SSU72: variants seen among roughly 807,000 people sequenced by gnomAD.
The protein encoded by SSU72 is SSU72 homolog, RNA polymerase II CTD phosphatase.
In SSU72, 12 loss-of-function variants were observed where a neutral mutation model predicts 22.7. The observed-to-expected ratio is 0.53, with a 90% confidence interval of 0.34 to 0.86. The LOEUF is 0.86. Among genes scored for constraint, SSU72 ranks in the 40% least tolerant of loss-of-function variants. SSU72 has a pLI of 0.02. For missense variants in SSU72, 151 were observed against 249.8 expected (o/e 0.60, Z 2.67); for synonymous variants, 116 against 98.3 (o/e 1.18, Z -1.06).
intron 1 of SSU72, among the ~76,000 whole-genome samples, chr1:1,571,434 C>CAAA (rs200572913): frequency 0.011 from 1,300 of 114,352 alleles, 17 homozygotes; most frequent in Non-Finnish European, 0.015. Flanking sequence ...CCGACTTCAA[C>CAAA]AAAAAAAAAA....
chr1:1,542,242 G>A lies in SSU72; in HGVS notation c.484-75C>T. On this transcript the variant is annotated intron_variant, in intron 4 of 4. Coordinates refer to ENST00000291386, the MANE Select transcript of SSU72 (RefSeq NM_014188.3). This position sits in a 1 kb window ranked among gnomAD's most constrained non-coding sequence, Gnocchi z 4.4. Reference sequence around the variant, plus strand: ...CTCCCCCTAACACCTGGATCGCCAGGGAAACGCCAGGCCTGAGCCAGCAGA... The same window carrying A: ...CTCCCCCTAACACCTGGATCGCCAGAGAAACGCCAGGCCTGAGCCAGCAGA... 1 of 1,400,212 alleles carries A rather than the reference G, an allele frequency of 7.1e-7. No homozygotes were observed. The highest frequency in any genetic ancestry group is 9.9e-7 in the Non-Finnish European group (1 of 1,013,458). 86.7% of individuals were successfully genotyped at this position (1,400,212 alleles called of 1,614,324 possible). A position where few individuals can be genotyped will look rare whatever the true frequency, so the allele number is the denominator to read the frequency against.
intron 2 of SSU72, among the ~76,000 whole-genome samples, chr1:1,555,060 A>AG (rs894386434): frequency 2.0e-5 from 3 of 152,028 alleles, no homozygotes; most frequent in African/African-American, 7.2e-5. Flanking sequence ...CACACCCACG[A>AG]GGGGGGCCAG....
In SSU72 at chr1:1,552,114, G is replaced by A. The variant is rs141964232; in HGVS notation, c.225-7112C>T. ...TGCAGCAGCAGATGCTCTGGAGGGC[G>A]CCGGCTGCCCCAGGGCAGACCATCC... On this transcript the variant is annotated intron_variant, in intron 2 of 4. Transcript: ENST00000291386. Among the ~76,000 whole-genome samples, 758 of 152,288 alleles carry A rather than the reference G, an allele frequency of 5.0e-3. 6 individuals carry two copies. Among genetic ancestry groups the A allele is most frequent in the African/African-American group, 0.017 (705 of 41,570 alleles).
chr1:1,574,728 GCC>G lies in SSU72; in HGVS notation c.-173_-172del. ...GGCGGCCTCCCCGCCCACCCTGGGC[GCC>G]GGGCCGCGGACGGAGCGCAGGCACT... On this transcript the variant is annotated 5_prime_UTR_variant, in exon 1 of 5. Coordinates refer to ENST00000291386, the MANE Select transcript of SSU72 (RefSeq NM_014188.3). The G allele has an allele frequency of 2.1e-6, 1 of 485,910 alleles. No homozygotes were observed. Among genetic ancestry groups the G allele is most frequent in the Non-Finnish European group, 3.2e-6 (1 of 309,716 alleles). The allele number at this position is 485,910 out of a possible 1,614,324, so 30.1% of individuals were successfully genotyped here. A position where few individuals can be genotyped will look rare whatever the true frequency, so the allele number is the denominator to read the frequency against.
intron 2 of SSU72, among the ~76,000 whole-genome samples, chr1:1,556,822 G>T (rs989724695): frequency 6.6e-6 from 1 of 152,198 alleles, no homozygotes; most frequent in Non-Finnish European, 1.5e-5. Context: ...TGTGGGCCCT[G>T]ACCCTGGGCT....
intron 1 of SSU72, among the ~76,000 whole-genome samples, chr1:1,567,848 G>A (rs187389135): frequency 1.3e-5 from 2 of 149,578 alleles, no homozygotes; most frequent in Non-Finnish European, 2.9e-5. Context: ...CGGAAGCGGA[G>A]GTTGCAGTGA....
rs1266576993 is a variant in SSU72, at chr1:1,564,809, T to C, written c.188A>G (p.Gln63Arg). ...NVYDFKTTYD[Q>R]MYNDLLRKDK... ...TTTCCTAAGAAGATCATTGTACATC[T>C]GGTCATATGTGGTTTTGAAATCATA... Residue 63 changes from glutamine (Q) to arginine (R), a missense_variant, in exon 2 of 5, where the codon CAG becomes CGG. By Grantham distance (43) the Gln-to-Arg change is conservative (BLOSUM62 1). Coordinates refer to ENST00000291386, the MANE Select transcript of SSU72 (RefSeq NM_014188.3). 4 of 1,614,198 alleles carry C rather than the reference T, an allele frequency of 2.5e-6. No homozygotes were observed. The highest frequency in any genetic ancestry group is 2.5e-6 in the Non-Finnish European group (3 of 1,180,030).
chr1:1,569,049 C>T (rs1642696918), intron 1 of SSU72, among the ~76,000 whole-genome samples: 1 of 152,070 alleles, frequency 6.6e-6, no homozygotes, highest in Admixed American at 6.6e-5. Context: ...TGGTGCATGT[C>T]TGTAGTCCCA....
intron 2 of SSU72, among the ~76,000 whole-genome samples, chr1:1,556,521 A>C (rs1642523311): frequency 6.6e-6 from 1 of 152,330 alleles, no homozygotes; most frequent in Admixed American, 6.5e-5. Flanking sequence ...AGCCTGGGCA[A>C]AAAGAGCAAA....
rs1271599187 is a variant in SSU72, at chr1:1,554,473, A to G, written c.225-9471T>C. 1.3e-5 allele frequency among the ~76,000 whole-genome samples: 2 copies of G among 152,206 alleles called. No individual in the cohort carries two copies. Among genetic ancestry groups the G allele is most frequent in the Non-Finnish European group, 2.9e-5 (2 of 68,030 alleles). On this transcript the variant is annotated intron_variant, in intron 2 of 4. Coordinates refer to ENST00000291386, the MANE Select transcript of SSU72 (RefSeq NM_014188.3). This position sits in a 1 kb window ranked among gnomAD's most constrained non-coding sequence, Gnocchi z 4.1. ...TCAGGATAAACCACCCAGGGCCCCAAGGTGCCAGGACATACCAGGAAACGC... is the reference window on the plus strand; with the variant it reads ...TCAGGATAAACCACCCAGGGCCCCAGGGTGCCAGGACATACCAGGAAACGC...
chr1:1,567,464 T>C (rs1380935227), intron 1 of SSU72, among the ~76,000 whole-genome samples: 2 of 152,076 alleles, frequency 1.3e-5, no homozygotes, highest in African/African-American at 2.4e-5. Flanking sequence ...ATGCTAAAAT[T>C]AAAATTCCTG....
At chr1:1,568,268 A>G (rs1642686251) in intron 1 of SSU72, among the ~76,000 whole-genome samples, 1 of 152,190 alleles carries the variant, frequency 6.6e-6, no homozygotes, top group Non-Finnish European at 1.5e-5. Flanking sequence ...CTAATCTTCC[A>G]GACAAGTATT....
chr1:1,547,972 G>A (rs913053431), intron 2 of SSU72, among the ~76,000 whole-genome samples: 2 of 152,222 alleles, frequency 1.3e-5, no homozygotes, highest in Non-Finnish European at 2.9e-5. Flanking sequence ...CTCAGCCCGG[G>A]CAAGAAGGCG....
intron 1 of SSU72, among the ~76,000 whole-genome samples, chr1:1,574,123 T>C (rs565260329): frequency 4.1e-4 from 63 of 151,974 alleles, no homozygotes; most frequent in Non-Finnish European, 7.5e-4. Context: ...CGTGATTGTG[T>C]TGCGCGCCGT....
At chr1:1,567,075 GC>G (rs1460335777) in intron 1 of SSU72, among the ~76,000 whole-genome samples, 2 of 152,302 alleles carry the variant, frequency 1.3e-5, no homozygotes, top group African/African-American at 4.8e-5. Flanking sequence ...CCTGCAGGAT[GC>G]CCACTGCCGG....
At chr1:1,571,832 G>A (rs1642734990) in intron 1 of SSU72, among the ~76,000 whole-genome samples, 1 of 151,540 alleles carries the variant, frequency 6.6e-6, no homozygotes, top group African/African-American at 2.4e-5. Context: ...CTGTCACCCA[G>A]GCTGGAGTGC....
At chr1:1,566,099 TAA>T (rs201655463) in intron 1 of SSU72, among the ~76,000 whole-genome samples, 13 of 140,046 alleles carry the variant, frequency 9.3e-5, no homozygotes, top group African/African-American at 5.2e-5. Context: ...CCGTTTCTAC[TAA>T]AAAAAAAAAA....
At chr1:1,569,608 A>C (rs1457319749) in intron 1 of SSU72, among the ~76,000 whole-genome samples, 1 of 152,124 alleles carries the variant, frequency 6.6e-6, no homozygotes, top group African/African-American at 2.4e-5. Context: ...GGCTCAAGTG[A>C]TCTTGCTGCC....
At chr1:1,548,078 A>C (rs1642413874) in intron 2 of SSU72, among the ~76,000 whole-genome samples, 1 of 152,214 alleles carries the variant, frequency 6.6e-6, no homozygotes, top group Non-Finnish European at 1.5e-5. Flanking sequence ...GGCCCAGGGC[A>C]GGGCAGGCAA....
Sources: gnomAD v4.1 joint callset for allele counts (sites outside exome capture counted in the v4.1 genomes callset) on GRCh38, gnomAD v4.1.1 for gene constraint, Gnocchi (gnomAD v3.1) non-coding constraint, MANE v1.5 for transcripts, NCBI Gene and HGNC (gene_info 2026-07-23, HGNC 2026-07-21) for gene names.